Variants in TTC28 observed in about 807,000 individuals in gnomAD.
TTC28 encodes the protein tetratricopeptide repeat domain 28, also known as tetratricopeptide repeat protein 28.
Under a neutral mutation model 198.0 loss-of-function variants are expected in TTC28, and 61 were observed. The observed-to-expected ratio is 0.31, with a 90% CI of 0.25 to 0.38. TTC28 has a LOEUF of 0.38. Ranked by LOEUF, TTC28 falls within the 10% of genes least tolerant of loss-of-function variation. The pLI is 1.00. For synonymous variants in TTC28, 1,171 were observed against 1,297.8 expected (o/e 0.90, Z 2.10); for missense variants, 2,678 against 3,164.0 (o/e 0.85, Z 3.69).
At chr22:28,367,169 G>T (rs1052726148) in intron 2 of TTC28, among the ~76,000 whole-genome samples, 1 of 151,710 alleles carries the variant, frequency 6.6e-6, no homozygotes, top group Non-Finnish European at 1.5e-5. Context: ...TCATTCTCAG[G>T]GATAGACCAT....
chr22:28,666,984 G>A (rs2051824907), intron 1 of TTC28, among the ~76,000 whole-genome samples: 1 of 31,756 alleles, frequency 3.1e-5, no homozygotes, highest in Non-Finnish European at 6.4e-5. Flanking sequence ...GGGATGCAAG[G>A]CTGGTTCAAT....
At chr22:28,468,853 G>C (rs533931769) in intron 2 of TTC28, among the ~76,000 whole-genome samples, 1 of 151,794 alleles carries the variant, frequency 6.6e-6, no homozygotes, top group African/African-American at 2.4e-5. Context: ...GCTATCTTGC[G>C]GGTTACAATT....
chr22:28,285,504 G>A (rs1167194963), intron 5 of TTC28, among the ~76,000 whole-genome samples: 1 of 152,066 alleles, frequency 6.6e-6, no homozygotes, highest in Admixed American at 6.6e-5. Flanking sequence ...GGTGACTATC[G>A]TTAATAATAC....
At chr22:28,050,927 G>T (rs1159911561) in intron 12 of TTC28, among the ~76,000 whole-genome samples, 1 of 152,084 alleles carries the variant, frequency 6.6e-6, no homozygotes, top group Non-Finnish European at 1.5e-5. Context: ...AAACTGGAGG[G>T]GGTGTGTGGT....
chr22:28,190,791 C>G (rs1601449631), intron 5 of TTC28, among the ~76,000 whole-genome samples: 1 of 152,304 alleles, frequency 6.6e-6, no homozygotes, highest in Admixed American at 6.5e-5. Context: ...ACATTTCACT[C>G]TTCTGCAGTA....
intron 6 of TTC28, among the ~76,000 whole-genome samples, chr22:28,112,575 T>G (rs1468423670): frequency 6.6e-6 from 1 of 152,210 alleles, no homozygotes; most frequent in Non-Finnish European, 1.5e-5. Flanking sequence ...GTGTCTCTAC[T>G]GTCCCAGCCA....
At chr22:28,416,440 G>A (rs904355718) in intron 2 of TTC28, among the ~76,000 whole-genome samples, 3 of 152,174 alleles carry the variant, frequency 2.0e-5, no homozygotes, top group African/African-American at 7.2e-5. Flanking sequence ...TCAATATCAT[G>A]TGGTTACTAC....
intron 2 of TTC28, among the ~76,000 whole-genome samples, chr22:28,451,810 C>T (rs551795549): frequency 6.6e-6 from 1 of 152,134 alleles, no homozygotes; most frequent in East Asian, 1.9e-4. Flanking sequence ...CTTTTCTCTA[C>T]CAGGTGGCCA....
At chr22:28,007,191 AC>A (rs1467494415) in intron 14 of TTC28, 1 of 152,060 alleles carries the variant, frequency 6.6e-6, no homozygotes, top group African/African-American at 2.4e-5. Flanking sequence ...TTTTTTCCTG[AC>A]TGATATTTTT....
intron 9 of TTC28, 34 bp downstream of exon 9, chr22:28,101,137 C>T: frequency 1.3e-6 from 2 of 1,499,696 alleles, no homozygotes; most frequent in South Asian, 1.2e-5. Context: ...CTTCTGGAAA[C>T]AAAAAATCCA....
At chr22:28,621,038 G>A (rs919080203) in intron 2 of TTC28, among the ~76,000 whole-genome samples, 1 of 152,108 alleles carries the variant, frequency 6.6e-6, no homozygotes, top group African/African-American at 2.4e-5. Context: ...AGACTGTTTC[G>A]ACATGGTTAC....
intron 5 of TTC28, among the ~76,000 whole-genome samples, chr22:28,175,989 A>C (rs1923131786): frequency 6.6e-6 from 1 of 152,300 alleles, no homozygotes; most frequent in South Asian, 2.1e-4. Flanking sequence ...AACTATTATA[A>C]AAAACAATGT....
At chr22:28,678,051 AT>A (rs1447867949) in intron 1 of TTC28, among the ~76,000 whole-genome samples, 2 of 152,160 alleles carry the variant, frequency 1.3e-5, no homozygotes, top group Non-Finnish European at 2.9e-5. Flanking sequence ...AGTAATTCAT[AT>A]TTGCTTTGTC....
intron 1 of TTC28, among the ~76,000 whole-genome samples, chr22:28,662,971 G>A (rs1480588056): frequency 1.3e-5 from 2 of 151,948 alleles, no homozygotes; most frequent in Non-Finnish European, 2.9e-5. Context: ...AACTTCCACC[G>A]GGCGCGGTGG....
intron 2 of TTC28, among the ~76,000 whole-genome samples, chr22:28,328,418 GT>G (rs1320465523): frequency 1.3e-5 from 2 of 151,812 alleles, no homozygotes; most frequent in African/African-American, 4.8e-5. Context: ...TTCAGCCTGA[GT>G]GACAGACAGA....
At chr22:28,270,588 A>G (rs1932001381) in intron 5 of TTC28, among the ~76,000 whole-genome samples, 1 of 152,174 alleles carries the variant, frequency 6.6e-6, no homozygotes, top group Non-Finnish European at 1.5e-5. Flanking sequence ...TCACTCAGCA[A>G]TATTTATTCC....
At chr22:28,669,297 T>G (rs2051839177) in intron 1 of TTC28, among the ~76,000 whole-genome samples, 1 of 133,524 alleles carries the variant, frequency 7.5e-6, no homozygotes, top group Non-Finnish European at 1.6e-5. Flanking sequence ...AAACTTAGAG[T>G]ATAATAAAAA....
intron 2 of TTC28, among the ~76,000 whole-genome samples, chr22:28,325,627 T>C (rs1015769072): frequency 3.9e-5 from 6 of 152,090 alleles, no homozygotes; most frequent in Admixed American, 2.0e-4. Flanking sequence ...ATACAAAGAA[T>C]TGTGAAAACT....
rs373815751 is a variant in TTC28 at position 28,166,771 on chromosome 22, G to T, written c.934-3172C>A. Among the ~76,000 whole-genome samples, 30 of 152,214 alleles carry T rather than the reference G, an allele frequency of 2.0e-4. 1 individual carries two copies. In the East Asian group the frequency reaches 5.0e-3, roughly 25 times the overall value. ...CATCACAATTAGAAGAACTAGAGAA[G>T]CAAGAGCAAACACATTCAAAAGCTA... On this transcript the variant is annotated intron_variant, in intron 5 of 22. Transcript: ENST00000397906.
Sources: allele counts gnomAD v4.1 joint callset (sites outside exome capture counted in the v4.1 genomes callset), GRCh38; gene constraint gnomAD v4.1.1; transcripts MANE v1.5; gene names NCBI Gene and HGNC (gene_info 2026-07-23, HGNC 2026-07-21).